LRRK2: variants seen among roughly 807,000 people sequenced by gnomAD.
LRRK2 encodes the protein leucine-rich repeat serine/threonine-protein kinase 2.
Under a neutral mutation model 302.6 loss-of-function variants are expected in LRRK2, and 203 were observed. The observed-to-expected ratio is 0.67, with a 90% confidence interval of 0.60 to 0.75. LRRK2 has a LOEUF of 0.75. Ranked by LOEUF, LRRK2 falls within the 30% of genes least tolerant of loss-of-function variation. The probability of loss-of-function intolerance (pLI) is 0.00; values close to 1 mark genes in which losing one functional copy is unlikely to be tolerated. For missense variants in LRRK2, 2,830 were observed against 2,951.0 expected, an observed-to-expected ratio of 0.96 and a Z score of 0.95; for synonymous variants, 1,066 against 1,031.9, an observed-to-expected ratio of 1.03 and a Z score of -0.63.
Position 40,225,042 on chromosome 12 carries a change from C to T in LRRK2, c.-90C>T. 1 of 1,553,674 alleles carries T rather than the reference C, an allele frequency of 6.4e-7. No individual in the cohort carries two copies. ...GCTGCGGGCGGTGAGCTGAGCTCGCCCCCGGGGAGCTGTGGCCGGCGCCCC... is the reference window on the plus strand; with the variant it reads ...GCTGCGGGCGGTGAGCTGAGCTCGCTCCCGGGGAGCTGTGGCCGGCGCCCC... On this transcript the variant is annotated 5_prime_UTR_variant, in exon 1 of 51. Transcript: ENST00000298910.
intron 35 of LRRK2, 41 bp from the exon 36 acceptor site, chr12:40,321,994 A>G: frequency 6.2e-7 from 1 of 1,609,152 alleles, no homozygotes; most frequent in Non-Finnish European, 8.5e-7. Context: ...TTTTCCCTTT[A>G]ACTTAGGAAG....
intron 5 of LRRK2, among the ~76,000 whole-genome samples, chr12:40,239,147 T>C (rs1178847487): frequency 6.6e-6 from 1 of 152,124 alleles, no homozygotes; most frequent in Non-Finnish European, 1.5e-5. Flanking sequence ...GAGAAACATC[T>C]TCCCATGGGT....
chr12:40,350,683 A>C (rs1378780237), intron 43 of LRRK2, among the ~76,000 whole-genome samples: 1 of 151,950 alleles, frequency 6.6e-6, no homozygotes, highest in African/African-American at 2.4e-5. Context: ...ATATTACATA[A>C]TTTTTCTTCT....
At position 40,225,618 on chromosome 12, in the gene LRRK2, T is replaced by C. The variant is rs750946093; in HGVS notation, c.215T>C (p.Met72Thr). The C allele has an allele frequency of 8.1e-6, 13 of 1,613,934 alleles. No homozygotes were observed. The highest frequency in any genetic ancestry group is 1.0e-5 in the Non-Finnish European group (12 of 1,179,950). The change falls in exon 2 of 51, where the codon ATG becomes ACG. Residue 72 changes from methionine to threonine, a missense_variant. Around this residue, in one of 3 missense-constraint regions of LRRK2, gnomAD observed 2,121 missense variants for 2,148.0 expected, o/e 0.99. Coordinates refer to ENST00000298910, the MANE Select transcript of LRRK2 (RefSeq NM_198578.4). Reference sequence around the variant, plus strand: ...CTGTTGATCGTCTTGGACTCCTATATGAGAGTCGCGAGTGTGCAGCAGGTA... The same window carrying C: ...CTGTTGATCGTCTTGGACTCCTATACGAGAGTCGCGAGTGTGCAGCAGGTA... ...VPLLIVLDSY[M>T]RVASVQQVGW...
At chr12:40,361,190 C>A (rs17491736) in intron 47 of LRRK2, among the ~76,000 whole-genome samples, 62 of 151,920 alleles carry the variant, frequency 4.1e-4, no homozygotes, top group African/African-American at 1.4e-3. Context: ...AGATATACTG[C>A]GGAGTGCAGT....
chr12:40,259,765 G>C (rs1233262573), intron 13 of LRRK2, among the ~76,000 whole-genome samples, 161 bp downstream of exon 13: 1 of 152,148 alleles, frequency 6.6e-6, no homozygotes, highest in Non-Finnish European at 1.5e-5. Flanking sequence ...TGATGCAGAA[G>C]AGTCACTTAG....
At chr12:40,363,966 A>G (rs1489938943) in intron 48 of LRRK2, among the ~76,000 whole-genome samples, 1 of 151,948 alleles carries the variant, frequency 6.6e-6, no homozygotes, top group Non-Finnish European at 1.5e-5. Flanking sequence ...GGGAAATGCA[A>G]TGGACTGACC....
intron 44 of LRRK2, among the ~76,000 whole-genome samples, chr12:40,352,939 A>G (rs1444738257): frequency 6.6e-6 from 1 of 152,250 alleles, no homozygotes; most frequent in African/African-American, 2.4e-5. Flanking sequence ...CAAAACCGCC[A>G]ACGTCATCAT....
chr12:40,243,742 T>C (rs1941848700), intron 7 of LRRK2, 61 bp downstream of exon 7: 5 of 1,473,102 alleles, frequency 3.4e-6, no homozygotes, highest in Non-Finnish European at 4.7e-6. Flanking sequence ...ATATAAAACA[T>C]ATATATGTTG....
chr12:40,341,350 T>G (rs1390899567), intron 41 of LRRK2, among the ~76,000 whole-genome samples: 1 of 152,196 alleles, frequency 6.6e-6, no homozygotes, highest in Admixed American at 6.5e-5. Flanking sequence ...GGGAAAAGGT[T>G]CTAGTTCGTT....
chr12:40,231,914 C>G (rs1309416028), intron 2 of LRRK2, among the ~76,000 whole-genome samples: 3 of 151,570 alleles, frequency 2.0e-5, no homozygotes, highest in Non-Finnish European at 2.9e-5. Context: ...AGCGATTCTC[C>G]TTCCTCAGCC....
At chr12:40,363,295 T>C in intron 47 of LRRK2, 107 bp from the exon 48 acceptor site, 3 of 952,616 alleles carry the variant, frequency 3.1e-6, no homozygotes, top group Non-Finnish European at 4.6e-6. Flanking sequence ...TTGTTTAGTT[T>C]TCAAAATAGT....
intron 38 of LRRK2, among the ~76,000 whole-genome samples, chr12:40,327,765 G>A (rs1752066213): frequency 6.6e-6 from 1 of 152,182 alleles, no homozygotes; most frequent in South Asian, 2.1e-4. Flanking sequence ...GGGTGTGGTG[G>A]TAGTGGAAAT....
chr12:40,288,568 G>T (rs963333597), intron 20 of LRRK2, among the ~76,000 whole-genome samples: 1 of 151,826 alleles, frequency 6.6e-6, no homozygotes, highest in African/African-American at 2.4e-5. Flanking sequence ...CCCACCAGCA[G>T]TACATGAGCA....
intron 41 of LRRK2, among the ~76,000 whole-genome samples, chr12:40,345,790 A>G (rs1309347174): frequency 1.3e-5 from 2 of 151,654 alleles, no homozygotes; most frequent in South Asian, 2.1e-4. Flanking sequence ...ACATCATGCC[A>G]TATCACCTCT....
chr12:40,365,230 T>A, intron 49 of LRRK2, 180 bp downstream of exon 49: 1 of 602,352 alleles, frequency 1.7e-6, no homozygotes, highest in Non-Finnish European at 2.9e-6. Context: ...GTGGAGGGAG[T>A]AAATGCTCTC....
chr12:40,308,591 C>T lies in LRRK2; in HGVS notation c.4084C>T (p.Leu1362Phe). The T allele has an allele frequency of 6.2e-7, 1 of 1,614,000 alleles. No individual in the cohort carries two copies. The highest frequency in any genetic ancestry group is 8.5e-7 in the Non-Finnish European group (1 of 1,179,936). Residue 1362 changes from leucine (L) to phenylalanine (F), a missense_variant, in exon 29 of 51, where the codon CTT becomes TTT. Around this residue, in one of 3 missense-constraint regions of LRRK2, gnomAD observed 2,121 missense variants for 2,148.0 expected, o/e 0.99. Transcript: ENST00000298910. Reference protein sequence around the residue: ...QQLMKTKKSDLGMQSATVGID... With the variant: ...QQLMKTKKSDFGMQSATVGID... ...ATTAATGAAAACCAAGAAATCAGAT[C>T]TTGGAATGCAAAGTGCCACAGTTGG...
rs149696619 is a variant in LRRK2 at position 40,287,937 on chromosome 12, G to A, written c.2689+398G>A. On this transcript the variant is annotated intron_variant, in intron 20 of 50. Transcript: ENST00000298910. ...TGTAAAATGTCTGCAACAATGCTTGGCAAACAGGAAGCGCTTAATAAAAAA... is the reference window on the plus strand; with the variant it reads ...TGTAAAATGTCTGCAACAATGCTTGACAAACAGGAAGCGCTTAATAAAAAA... 1.3e-4 allele frequency among the ~76,000 whole-genome samples: 20 copies of A among 151,916 alleles called. No homozygotes were observed. In the East Asian group the frequency reaches 3.5e-3, roughly 26 times the overall value.
chr12:40,346,025 T>G (rs1294023085), intron 41 of LRRK2, among the ~76,000 whole-genome samples: 1 of 152,198 alleles, frequency 6.6e-6, no homozygotes, highest in East Asian at 1.9e-4. Context: ...ACCATTTCCC[T>G]TTGTGATTGG....
Sources: allele counts gnomAD v4.1 joint callset (sites outside exome capture counted in the v4.1 genomes callset), GRCh38; gene constraint gnomAD v4.1.1; regional missense constraint gnomAD v4.1.1; transcripts MANE v1.5; gene names NCBI Gene and HGNC (gene_info 2026-07-23, HGNC 2026-07-21).